The following TRPC4 variants were observed in gnomAD, a reference collection of about 807,000 sequenced individuals.
TRPC4 encodes transient receptor potential cation channel subfamily C member 4.
TRPC4 carries 49 observed loss-of-function variants against 99.4 expected under a neutral mutation model. That is an observed-to-expected ratio of 0.49 (90% CI 0.39 to 0.63). TRPC4 has a LOEUF of 0.63. TRPC4 is among the 20% of genes least tolerant of loss of function. The pLI is 0.00. For missense variants in TRPC4, 898 were observed against 1,152.9 expected (o/e 0.78, Z 3.20); for synonymous variants, 454 against 425.9 (o/e 1.07, Z -0.81).
rs181550296 is a variant in TRPC4, at chr13:37,752,685, T to C, written c.379-6230A>G. On this transcript the variant is annotated intron_variant, in intron 2 of 10. Transcript: ENST00000379705. ...CAGCCTTTCATTTGTACACAAATGG[T>C]CTTTGGGGTATACAGAGACTTAAAT... 2.7e-3 allele frequency among the ~76,000 whole-genome samples: 417 copies of C among 151,838 alleles called. 1 individual carries two copies. The highest frequency in any genetic ancestry group is 3.8e-3 in the Non-Finnish European group (256 of 67,952).
chr13:37,806,611 C>T (rs1481623444), intron 1 of TRPC4, among the ~76,000 whole-genome samples: 1 of 151,990 alleles, frequency 6.6e-6, no homozygotes, highest in African/African-American at 2.4e-5. Context: ...ACTGCAATGA[C>T]ATTAGTGCAC....
chr13:37,858,758 T>TAGA (rs1400810017), intron 1 of TRPC4, among the ~76,000 whole-genome samples: 1 of 150,798 alleles, frequency 6.6e-6, no homozygotes, highest in Non-Finnish European at 1.5e-5. Flanking sequence ...AGATAAAGAG[T>TAGA]AGAAGGATGA....
chr13:37,663,781 A>G, intron 5 of TRPC4, 52 bp from the exon 6 acceptor site: 1 of 1,459,676 alleles, frequency 6.9e-7, no homozygotes, highest in Non-Finnish European at 9.3e-7. Flanking sequence ...ACGCATATAA[A>G]TAGATCAAGG....
At chr13:37,828,263 G>T (rs949397843) in intron 1 of TRPC4, among the ~76,000 whole-genome samples, 2 of 152,284 alleles carry the variant, frequency 1.3e-5, no homozygotes, top group African/African-American at 4.8e-5. Context: ...GCTGTAGACC[G>T]GAGCTGTTCC....
At chr13:37,813,688 T>C (rs940834091) in intron 1 of TRPC4, among the ~76,000 whole-genome samples, 1 of 151,840 alleles carries the variant, frequency 6.6e-6, no homozygotes, top group African/African-American at 2.4e-5. Flanking sequence ...AAATAGAAAT[T>C]CTTCATAGAC....
At chr13:37,842,777 C>T (rs1291630583) in intron 1 of TRPC4, among the ~76,000 whole-genome samples, 1 of 152,142 alleles carries the variant, frequency 6.6e-6, no homozygotes, top group East Asian at 1.9e-4. Flanking sequence ...AAGATTTCAG[C>T]ATATAAATTT....
At chr13:37,818,402 A>G (rs1332555098) in intron 1 of TRPC4, among the ~76,000 whole-genome samples, 4 of 152,144 alleles carry the variant, frequency 2.6e-5, no homozygotes, top group Non-Finnish European at 5.9e-5. Context: ...ATGATTCCTC[A>G]AAGATCTAGA....
intron 1 of TRPC4, among the ~76,000 whole-genome samples, chr13:37,868,061 G>A (rs1959886244): frequency 6.6e-6 from 1 of 152,012 alleles, no homozygotes; most frequent in Non-Finnish European, 1.5e-5. Context: ...AAGTTATTTG[G>A]TCTCTTACTG....
At chr13:37,728,341 C>A (rs915376826) in intron 3 of TRPC4, among the ~76,000 whole-genome samples, 7 of 151,838 alleles carry the variant, frequency 4.6e-5, no homozygotes, top group Non-Finnish European at 8.8e-5. Flanking sequence ...AGCAAGGTAG[C>A]AGAGTACAAA....
At chr13:37,733,886 A>T (rs1593614372) in intron 3 of TRPC4, among the ~76,000 whole-genome samples, 1 of 152,202 alleles carries the variant, frequency 6.6e-6, no homozygotes, top group East Asian at 1.9e-4. Flanking sequence ...GGTTGCAAAG[A>T]TAATAAAATT....
At chr13:37,724,100 T>C (rs1593592479) in intron 3 of TRPC4, among the ~76,000 whole-genome samples, 1 of 152,282 alleles carries the variant, frequency 6.6e-6, no homozygotes, top group Non-Finnish European at 1.5e-5. Context: ...GAATTCCATA[T>C]ATCACTTCAA....
chr13:37,706,276 T>C (rs768602951), intron 3 of TRPC4, among the ~76,000 whole-genome samples: 52 of 152,248 alleles, frequency 3.4e-4, no homozygotes, highest in Non-Finnish European at 6.6e-4. Flanking sequence ...AAAACCCTGG[T>C]TGAAGTCAGT....
intron 2 of TRPC4, among the ~76,000 whole-genome samples, chr13:37,772,491 A>ATG (rs1207087827): frequency 6.6e-6 from 1 of 151,742 alleles, no homozygotes; most frequent in African/African-American, 2.4e-5. Context: ...GTGTGTCTGC[A>ATG]TGTGTATATA....
intron 1 of TRPC4, among the ~76,000 whole-genome samples, chr13:37,810,311 A>G (rs1223227543): frequency 6.6e-6 from 1 of 152,068 alleles, no homozygotes; most frequent in East Asian, 1.9e-4. Flanking sequence ...GAAGTTGTGT[A>G]TTTTAATAAT....
At chr13:37,765,752 A>T (rs1956347110) in intron 2 of TRPC4, among the ~76,000 whole-genome samples, 2 of 151,526 alleles carry the variant, frequency 1.3e-5, no homozygotes, top group Admixed American at 1.3e-4. Context: ...TGTATTAAAT[A>T]TAGAAGATTG....
chr13:37,798,777 A>T (rs1174095651), intron 1 of TRPC4, among the ~76,000 whole-genome samples: 1 of 152,158 alleles, frequency 6.6e-6, no homozygotes, highest in Non-Finnish European at 1.5e-5. Context: ...TGTTATGCAA[A>T]TTCCACATTT....
intron 4 of TRPC4, among the ~76,000 whole-genome samples, chr13:37,688,955 C>G (rs943538902): frequency 6.6e-6 from 1 of 152,180 alleles, no homozygotes; most frequent in African/African-American, 2.4e-5. Flanking sequence ...CTTTATCAGA[C>G]AGCAGGACAG....
At chr13:37,696,975 T>C (rs190308486) in intron 3 of TRPC4, among the ~76,000 whole-genome samples, 1 of 151,354 alleles carries the variant, frequency 6.6e-6, no homozygotes, top group East Asian at 2.0e-4. Flanking sequence ...TGGTCACTAA[T>C]GGCTTTTAAA....
intron 1 of TRPC4, among the ~76,000 whole-genome samples, chr13:37,866,847 G>GGA (rs71215990): frequency 1.9e-5 from 1 of 52,192 alleles, no homozygotes; most frequent in Admixed American, 1.8e-4. Context: ...TATTTTTTGT[G>GGA]GGGGGGGGCG....
Sources: gnomAD v4.1 joint callset for allele counts (sites outside exome capture counted in the v4.1 genomes callset) on GRCh38, gnomAD v4.1.1 for gene constraint, MANE v1.5 for transcripts, NCBI Gene and HGNC (gene_info 2026-07-23, HGNC 2026-07-21) for gene names.